The following MTA1 variants were observed in gnomAD, a reference collection of about 807,000 sequenced individuals.
MTA1 encodes the protein metastasis associated 1, also known as metastasis-associated protein MTA1.
Under a neutral mutation model 97.0 loss-of-function variants are expected in MTA1, and 15 were observed. That is an observed-to-expected ratio of 0.15 (90% confidence interval 0.10 to 0.24). MTA1 has a LOEUF of 0.24. Among genes scored for constraint, MTA1 ranks in the 10% least tolerant of loss-of-function variants. The probability of loss-of-function intolerance (pLI) is 1.00; values close to 1 mark genes in which losing one functional copy is unlikely to be tolerated. For synonymous variants in MTA1, 435 were observed against 417.5 expected, an observed-to-expected ratio of 1.04 and a Z score of -0.51; for missense variants, 709 against 1,015.1, an observed-to-expected ratio of 0.70 and a Z score of 4.10.
rs781679805 is a variant in MTA1, at chr14:105,463,125, G to A, written c.943-59G>A. The A allele has an allele frequency of 6.5e-6, 10 of 1,540,418 alleles. No homozygotes were observed. The African/African-American group carries it at 1.1e-4, about 17-fold the overall frequency. ...TCTGGCCGCAGCCCTGCCCCTGCCTGCATGGTGTGCCTGCCTCCTGCCCCT... is the reference window on the plus strand; with the variant it reads ...TCTGGCCGCAGCCCTGCCCCTGCCTACATGGTGTGCCTGCCTCCTGCCCCT... On this transcript the variant is annotated intron_variant, in intron 10 of 20. Transcript: ENST00000331320. The surrounding 1 kb of genome is among the most constrained non-coding windows in gnomAD (Gnocchi z 5.9).
chr14:105,448,720 C>T (rs1313076659), intron 3 of MTA1, among the ~76,000 whole-genome samples: 2 of 152,248 alleles, frequency 1.3e-5, no homozygotes, highest in African/African-American at 4.8e-5. Flanking sequence ...AGAACAGGCC[C>T]AGCATGGCTG....
intron 7 of MTA1, among the ~76,000 whole-genome samples, chr14:105,457,468 C>A (rs2083195456): frequency 6.6e-6 from 1 of 152,258 alleles, no homozygotes; most frequent in South Asian, 2.1e-4. Context: ...TGGCCCCCGG[C>A]TCTGGCTGTG....
intron 1 of MTA1, among the ~76,000 whole-genome samples, chr14:105,421,372 A>AC (rs1249276659): frequency 2.0e-5 from 3 of 148,692 alleles, no homozygotes; most frequent in African/African-American, 5.0e-5. Context: ...CCACCTGGAG[A>AC]CCCCCCTTCC....
At chr14:105,468,101 G>A (rs1384833100) in intron 18 of MTA1, 3 of 355,220 alleles carry the variant, frequency 8.4e-6, no homozygotes, top group East Asian at 7.7e-5. Context: ...GGGTGAAGAC[G>A]GCTCCCGGGG....
intron 6 of MTA1, among the ~76,000 whole-genome samples, chr14:105,452,516 C>T (rs587713329): frequency 1.3e-5 from 2 of 152,322 alleles, no homozygotes; most frequent in South Asian, 4.1e-4. Context: ...CTCACCTCTA[C>T]AAAAGTAAAA....
chr14:105,462,595 G>C (rs937285243), intron 10 of MTA1, among the ~76,000 whole-genome samples: 1 of 151,648 alleles, frequency 6.6e-6, no homozygotes, highest in Non-Finnish European at 1.5e-5. Context: ...TGAGATGGCC[G>C]GGCATGGTGG....
intron 10 of MTA1, among the ~76,000 whole-genome samples, chr14:105,462,817 C>T (rs1161142838): frequency 6.6e-6 from 1 of 152,038 alleles, no homozygotes; most frequent in African/African-American, 2.4e-5. Context: ...TGCAGCGAGC[C>T]GAGATTGTAC....
intron 1 of MTA1, among the ~76,000 whole-genome samples, chr14:105,431,292 ACCTC>A (rs1555423290): frequency 6.6e-6 from 1 of 152,142 alleles, no homozygotes. Context: ...CAAACTCCTG[ACCTC>A]AGGTGATCCA....
At chr14:105,449,922 T>C (rs2082857570) in intron 4 of MTA1, 136 bp from the exon 5 acceptor site, 3 of 1,294,018 alleles carry the variant, frequency 2.3e-6, no homozygotes, top group Non-Finnish European at 3.2e-6. Flanking sequence ...AGTGGGACAG[T>C]GTCCGGCAGC....
chr14:105,468,385 G>A (rs1330165398), intron 18 of MTA1: 3 of 1,303,420 alleles, frequency 2.3e-6, no homozygotes, highest in Non-Finnish European at 3.0e-6. Context: ...AGCCCTGGGC[G>A]CTGGGCCTTG....
intron 1 of MTA1, among the ~76,000 whole-genome samples, chr14:105,431,172 C>T (rs1489501704): frequency 1.3e-5 from 2 of 152,222 alleles, no homozygotes; most frequent in East Asian, 1.9e-4. Context: ...CCTCACTTCT[C>T]CTGCCTCAGC....
intron 6 of MTA1, among the ~76,000 whole-genome samples, chr14:105,452,519 A>C (rs2082982991): frequency 6.6e-6 from 1 of 152,190 alleles, no homozygotes; most frequent in Non-Finnish European, 1.5e-5. Context: ...ACCTCTACAA[A>C]AGTAAAAAAC....
chr14:105,466,734 C>G lies in MTA1; in HGVS notation c.1805C>G (p.Pro602Arg). 1 of 1,592,780 alleles carries G rather than the reference C, an allele frequency of 6.3e-7. No homozygotes were observed. Reference protein sequence around the residue: ...DGNMKKRLLMPSRGLANHGQA... With the variant: ...DGNMKKRLLMRSRGLANHGQA... ...AACATGAAGAAGCGCCTCTTGATGC[C>G]CAGTAGGGGTAAGGCCTGGAGCCGC... Residue 602 changes from proline (P) to arginine (R), a missense_variant, in exon 18 of 21, where the codon CCC becomes CGC. Physicochemically the swap from Pro to Arg is moderately radical, Grantham distance 103. Transcript: ENST00000331320.
intron 1 of MTA1, among the ~76,000 whole-genome samples, chr14:105,437,517 G>C (rs587653433): frequency 9.2e-5 from 14 of 151,962 alleles, no homozygotes; most frequent in African/African-American, 3.2e-4. Context: ...CCTCACTGGC[G>C]TGTCCTCAGG....
intron 1 of MTA1, among the ~76,000 whole-genome samples, chr14:105,427,411 G>A (rs936409000): frequency 6.6e-6 from 1 of 152,252 alleles, no homozygotes; most frequent in Non-Finnish European, 1.5e-5. Context: ...CCGCAGTGCT[G>A]TTGAGTGTCC....
Position 105,465,197 on chromosome 14 carries a change from C to A in MTA1, c.1624+14C>A. Reference sequence around the variant, plus strand: ...TTCGGTATCTTGGTGAGCAGCCAGGCGTGCTGGGGGGCTCCCAATGCTGCC... The same window carrying A: ...TTCGGTATCTTGGTGAGCAGCCAGGAGTGCTGGGGGGCTCCCAATGCTGCC... On this transcript the variant is annotated intron_variant, in intron 16 of 20. Coordinates refer to ENST00000331320, the MANE Select transcript of MTA1 (RefSeq NM_004689.4). The A allele has an allele frequency of 6.6e-7, 1 of 1,504,110 alleles. No individual in the cohort carries two copies. The allele number at this position is 1,504,110 out of a possible 1,614,324, so 93.2% of individuals were successfully genotyped here. A position where few individuals can be genotyped will look rare whatever the true frequency, so the allele number is the denominator to read the frequency against.
In MTA1 at chr14:105,464,050, C is replaced by T. The variant is rs782096417; in HGVS notation, c.1095C>T (p.Asn365=). 3 of 1,612,650 alleles carry T rather than the reference C, an allele frequency of 1.9e-6. No homozygotes were observed. Among genetic ancestry groups the T allele is most frequent in the Admixed American group, 1.7e-5 (1 of 60,008 alleles). Residue 365 remains asparagine, a synonymous_variant, in exon 13 of 21, where the codon AAC becomes AAT. Transcript: ENST00000331320. ...CTTTAAGTAACAAGCCAAATCCGAACCAAATCAGCGTCAACAACGTCAAGG... is the reference window on the plus strand; with the variant it reads ...CTTTAAGTAACAAGCCAAATCCGAATCAAATCAGCGTCAACAACGTCAAGG... ...YIPNYNKPNP[N]QISVNNVKAG... is the part of the protein sequence containing the mutation.
chr14:105,458,515 C>T (rs782484567), intron 8 of MTA1, 143 bp downstream of exon 8: 36 of 723,042 alleles, frequency 5.0e-5, no homozygotes, highest in Middle Eastern at 2.5e-4. Flanking sequence ...CTGAGACCCC[C>T]GGTAGCAGTT....
At chr14:105,426,233 G>A (rs902072832) in intron 1 of MTA1, among the ~76,000 whole-genome samples, 6 of 152,256 alleles carry the variant, frequency 3.9e-5, no homozygotes, top group East Asian at 3.9e-4. Context: ...TCACAGCAGC[G>A]TCGTCACAGG....
Sources: gnomAD v4.1 joint callset for allele counts (sites outside exome capture counted in the v4.1 genomes callset) on GRCh38, gnomAD v4.1.1 for gene constraint, Gnocchi (gnomAD v3.1) non-coding constraint, MANE v1.5 for transcripts, NCBI Gene and HGNC (gene_info 2026-07-23, HGNC 2026-07-21) for gene names.